OXSR1: variants seen among roughly 807,000 people sequenced by gnomAD.
OXSR1 encodes the protein oxidative stress responsive kinase 1.
OXSR1 carries 24 observed loss-of-function variants against 79.8 expected under a neutral mutation model. The observed-to-expected ratio is 0.30, with a 90% CI of 0.22 to 0.42. The LOEUF is 0.42. Among genes scored for constraint, OXSR1 ranks in the 10% least tolerant of loss-of-function variants. The probability of loss-of-function intolerance (pLI) is 1.00; values close to 1 mark genes in which losing one functional copy is unlikely to be tolerated. For missense variants in OXSR1, 430 were observed against 618.4 expected (o/e 0.70, Z 3.23); for synonymous variants, 226 against 209.2 (o/e 1.08, Z -0.69).
At chr3:38,164,409 G>C (rs1701386740), upstream of OXSR1, among the ~76,000 whole-genome samples, 1 of 152,190 alleles carries the variant, frequency 6.6e-6, no homozygotes, top group Non-Finnish European at 1.5e-5. Context: ...GCCTCCCAAA[G>C]TGTTGGGATT....
rs959462946 is a variant in OXSR1 at position 38,204,770 on chromosome 3, G to A, written c.434+5907G>A. Among the ~76,000 whole-genome samples, 6 of 151,878 alleles carry A rather than the reference G, an allele frequency of 4.0e-5. No homozygotes were observed. The East Asian group carries it at 1.2e-3, about 30-fold the overall frequency. On this transcript the variant is annotated intron_variant, in intron 4 of 17. Coordinates refer to ENST00000311806, the MANE Select transcript of OXSR1 (RefSeq NM_005109.3). Reference sequence around the variant, plus strand: ...CTCTCCCAGAGCTGCAAGCTGTGCTGCCTGGGGTGGGGGGAAGGGGTGGCA... The same window carrying A: ...CTCTCCCAGAGCTGCAAGCTGTGCTACCTGGGGTGGGGGGAAGGGGTGGCA...
intron 14 of OXSR1, among the ~76,000 whole-genome samples, chr3:38,248,355 C>T (rs931807418): frequency 6.9e-6 from 1 of 145,150 alleles, no homozygotes; most frequent in Non-Finnish European, 1.5e-5. Context: ...CCGCCCCTAG[C>T]ACTAGTAGCT....
chr3:38,198,811 C>G lies in OXSR1; in HGVS notation c.382C>G (p.Arg128Gly). The G allele has an allele frequency of 6.2e-7, 1 of 1,613,194 alleles. No homozygotes were observed. The highest frequency in any genetic ancestry group is 1.3e-5 in the African/African-American group (1 of 74,970). ...TGAATCTACCATTGCTACGATACTC[C>G]GAGAAGTACTGGAAGGGCTGGAATA... ...LDESTIATIL[R>G]EVLEGLEYLH... The change falls in exon 4 of 18, where the codon CGA becomes GGA. Residue 128 changes from arginine to glycine, a missense_variant. Arg to Gly is a moderately radical substitution (Grantham distance 125, BLOSUM62 -2). Transcript: ENST00000311806.
chr3:38,192,670 A>G (rs1411721273), intron 3 of OXSR1, among the ~76,000 whole-genome samples: 2 of 152,208 alleles, frequency 1.3e-5, no homozygotes, highest in Non-Finnish European at 2.9e-5. Context: ...GCTGATTGCA[A>G]ACTGTGAAAC....
At chr3:38,175,697 C>A (rs1352811374) in intron 1 of OXSR1, among the ~76,000 whole-genome samples, 1 of 152,202 alleles carries the variant, frequency 6.6e-6, no homozygotes, top group African/African-American at 2.4e-5. Flanking sequence ...CCTTCTCTGT[C>A]TCAAGAAGTA....
chr3:38,244,293 T>C (rs949468628), intron 12 of OXSR1, among the ~76,000 whole-genome samples: 1 of 152,180 alleles, frequency 6.6e-6, no homozygotes, highest in Non-Finnish European at 1.5e-5. Flanking sequence ...TCACATAATG[T>C]AAAATTTACC....
Position 38,242,736 on chromosome 3 carries a change from C to T in OXSR1, c.1075-7C>T, listed in dbSNP as rs781466997. 5 of 1,535,262 alleles carry T rather than the reference C, an allele frequency of 3.3e-6. No homozygotes were observed. The highest frequency in any genetic ancestry group is 2.4e-5 in the South Asian group (2 of 84,618). Reference sequence around the variant, plus strand: ...GTTAACAATCATCCTTTTTGTATTTCGTTTAGTCTCCCCGAGTGAAAGAAT... The same window carrying T: ...GTTAACAATCATCCTTTTTGTATTTTGTTTAGTCTCCCCGAGTGAAAGAAT... On this transcript the variant is annotated splice_polypyrimidine_tract_variant and splice_region_variant and intron_variant, in intron 11 of 17. Coordinates refer to ENST00000311806, the MANE Select transcript of OXSR1 (RefSeq NM_005109.3).
chr3:38,200,221 C>T (rs1005274550), intron 4 of OXSR1, among the ~76,000 whole-genome samples: 11 of 152,186 alleles, frequency 7.2e-5, no homozygotes, highest in African/African-American at 2.7e-4. Context: ...TTCTGCTGGG[C>T]TGCCCCTTTT....
chr3:38,223,987 A>ATTT, intron 7 of OXSR1, 74 bp downstream of exon 7: 1 of 771,658 alleles, frequency 1.3e-6, no homozygotes, highest in Non-Finnish European at 2.0e-6. Context: ...CAGTCTTTTA[A>ATTT]TTTTTTTTTT....
intron 5 of OXSR1, among the ~76,000 whole-genome samples, chr3:38,219,037 A>G (rs774299528): frequency 2.6e-5 from 4 of 152,168 alleles, no homozygotes; most frequent in Non-Finnish European, 5.9e-5. Context: ...TTTAGTTGGC[A>G]ATTTAAAACG....
At chr3:38,224,538 C>T (rs765506112) in intron 7 of OXSR1, 33 bp from the exon 8 acceptor site, 5 of 1,540,134 alleles carry the variant, frequency 3.2e-6, no homozygotes, top group South Asian at 2.5e-5. Context: ...ACTGAGTCAT[C>T]ACAAGTTTAT....
At chr3:38,251,927 A>G (rs904896753) in intron 16 of OXSR1, among the ~76,000 whole-genome samples, 1 of 152,230 alleles carries the variant, frequency 6.6e-6, no homozygotes, top group African/African-American at 2.4e-5. Flanking sequence ...GAAAAACCAG[A>G]TAATAAATAG....
chr3:38,181,054 T>C (rs1198034795), intron 1 of OXSR1, among the ~76,000 whole-genome samples: 1 of 152,142 alleles, frequency 6.6e-6, no homozygotes, highest in Non-Finnish European at 1.5e-5. Flanking sequence ...AGGCCCGTTA[T>C]TCTACCTAAC....
chr3:38,228,743 G>C (rs1308274785), intron 8 of OXSR1, among the ~76,000 whole-genome samples: 5 of 152,210 alleles, frequency 3.3e-5, no homozygotes, highest in African/African-American at 1.2e-4. Flanking sequence ...GCTAATTTTT[G>C]TGGTTTTTTT....
Position 38,200,341 on chromosome 3 carries a change from G to A in OXSR1, c.434+1478G>A, listed in dbSNP as rs114438431. Among the ~76,000 whole-genome samples the A allele has an allele frequency of 3.1e-3, 479 of 152,240 alleles. 2 individuals are homozygous for A. The highest frequency in any genetic ancestry group is 4.7e-3 in the Non-Finnish European group (323 of 68,010). ...TGTGTAATGCCCAGTCTGAGTTATA[G>A]CAGATTAAAGGAAAGCTCAGGAAAC... On this transcript the variant is annotated intron_variant, in intron 4 of 17. Coordinates refer to ENST00000311806, the MANE Select transcript of OXSR1 (RefSeq NM_005109.3).
chr3:38,243,573 G>C (rs1194996388), intron 12 of OXSR1, among the ~76,000 whole-genome samples: 1 of 152,008 alleles, frequency 6.6e-6, no homozygotes, highest in Non-Finnish European at 1.5e-5. Flanking sequence ...TCTTATTTCC[G>C]GCAGCATCTT....
At chr3:38,186,477 C>T (rs1575318213) in intron 2 of OXSR1, among the ~76,000 whole-genome samples, 2 of 152,290 alleles carry the variant, frequency 1.3e-5, no homozygotes, top group East Asian at 3.9e-4. Context: ...ATTCTTTCCT[C>T]CCCTCAGCCC....
intron 4 of OXSR1, among the ~76,000 whole-genome samples, chr3:38,213,490 C>T (rs774958582): frequency 1.3e-5 from 2 of 152,072 alleles, no homozygotes; most frequent in Non-Finnish European, 2.9e-5. Flanking sequence ...AATATGGTAT[C>T]CTGGGCAGGA....
intron 1 of OXSR1, among the ~76,000 whole-genome samples, chr3:38,168,391 C>T (rs997565552): frequency 6.6e-6 from 1 of 152,112 alleles, no homozygotes; most frequent in African/African-American, 2.4e-5. Context: ...CACAAATCTA[C>T]TTTTTGTCTC....
Sources: allele counts gnomAD v4.1 joint callset (sites outside exome capture counted in the v4.1 genomes callset), GRCh38; gene constraint gnomAD v4.1.1; transcripts MANE v1.5; gene names NCBI Gene and HGNC (gene_info 2026-07-23, HGNC 2026-07-21).